The following WDR47 variants were observed in gnomAD, a reference collection of about 807,000 sequenced individuals.
WDR47 encodes the protein WD repeat-containing protein 47.
WDR47 carries 32 observed loss-of-function variants against 97.2 expected under a neutral mutation model. The observed-to-expected ratio is 0.33, with a 90% confidence interval of 0.25 to 0.44. WDR47 has a LOEUF of 0.44. Among genes scored for constraint, WDR47 ranks in the 20% least tolerant of loss-of-function variants. The pLI is 1.00. For synonymous variants in WDR47, 375 were observed against 373.5 expected (o/e 1.00, Z -0.05); for missense variants, 782 against 1,102.3 (o/e 0.71, Z 4.11).
chr1:109,039,319 A>C (rs371623607), intron 1 of WDR47, among the ~76,000 whole-genome samples: 1 of 151,686 alleles, frequency 6.6e-6, no homozygotes, highest in Non-Finnish European at 1.5e-5. Flanking sequence ...AGTGGCATGC[A>C]TGATCTTGGC....
At chr1:109,036,996 G>A (rs1284566561) in intron 1 of WDR47, among the ~76,000 whole-genome samples, 1 of 152,028 alleles carries the variant, frequency 6.6e-6, no homozygotes, top group Non-Finnish European at 1.5e-5. Flanking sequence ...TGCTGTTTTT[G>A]CACTTCCCGG....
intron 4 of WDR47, 87 bp from the exon 5 acceptor site, chr1:109,011,805 A>ATATTG: frequency 8.0e-6 from 10 of 1,245,528 alleles, no homozygotes; most frequent in Non-Finnish European, 1.1e-5. Flanking sequence ...AGAATAAATT[A>ATATTG]TATTGCCACA....
intron 7 of WDR47, among the ~76,000 whole-genome samples, chr1:108,997,553 G>A (rs1417747904): frequency 3.3e-5 from 5 of 151,736 alleles, no homozygotes; most frequent in East Asian, 1.9e-4. Flanking sequence ...TCAGGAGATC[G>A]AGACCATCCT....
chr1:109,034,978 G>A (rs538182885), intron 1 of WDR47, among the ~76,000 whole-genome samples: 68 of 152,064 alleles, frequency 4.5e-4, no homozygotes, highest in Admixed American at 1.8e-3. Flanking sequence ...GTCTGAGACC[G>A]GGCACAGTGG....
chr1:108,991,170 G>T, intron 9 of WDR47, 84 bp downstream of exon 9: 4 of 1,327,444 alleles, frequency 3.0e-6, no homozygotes, highest in South Asian at 1.2e-5. Flanking sequence ...TGACTAAAAT[G>T]GTTCTTTCTT....
chr1:108,975,686 A>C (rs1008661290), intron 13 of WDR47, among the ~76,000 whole-genome samples: 4 of 152,074 alleles, frequency 2.6e-5, no homozygotes, highest in Non-Finnish European at 5.9e-5. Context: ...AATTAAAAAA[A>C]AAAAAGTTTG....
At chr1:108,991,909 C>T (rs1314142459) in intron 8 of WDR47, among the ~76,000 whole-genome samples, 1 of 152,034 alleles carries the variant, frequency 6.6e-6, no homozygotes, top group Non-Finnish European at 1.5e-5. Context: ...GCAATCCTCC[C>T]ACCTCAACCT....
intron 5 of WDR47, among the ~76,000 whole-genome samples, chr1:109,010,458 T>C (rs1408262556): frequency 1.3e-5 from 2 of 151,962 alleles, no homozygotes; most frequent in South Asian, 2.1e-4. Context: ...CTCAGGGGGC[T>C]GATTTTAACC....
In WDR47 at chr1:109,026,240, G is replaced by A. The variant is rs574543675; in HGVS notation, c.-9-2719C>T. 6.2e-4 allele frequency among the ~76,000 whole-genome samples: 94 copies of A among 151,858 alleles called. No homozygotes were observed. The South Asian group carries it at 8.1e-3, about 13-fold the overall frequency. On this transcript the variant is annotated intron_variant, in intron 1 of 14. Transcript: ENST00000369962. ...TTTTTATTTTACTTTTTGTAGAGAC[G>A]GGATCTACCTATGTTGCCTAGGCTG...
intron 1 of WDR47, among the ~76,000 whole-genome samples, chr1:109,039,111 G>A (rs1663164170): frequency 6.6e-6 from 1 of 152,180 alleles, no homozygotes; most frequent in Admixed American, 6.6e-5. Flanking sequence ...TTAAACAGGA[G>A]AAGTTCAGGT....
intron 1 of WDR47, among the ~76,000 whole-genome samples, chr1:109,035,362 TAGG>T (rs1236299395): frequency 6.6e-6 from 1 of 151,972 alleles, no homozygotes; most frequent in African/African-American, 2.4e-5. Flanking sequence ...GGCAGGGATC[TAGG>T]AGAAGAAAAG....
intron 14 of WDR47, among the ~76,000 whole-genome samples, chr1:108,972,591 G>A (rs777660637): frequency 7.2e-5 from 11 of 152,034 alleles, no homozygotes; most frequent in Non-Finnish European, 1.2e-4. Context: ...GGAAATCTCC[G>A]TATCTCTCAA....
chr1:109,004,285 A>G (rs1660423017), intron 6 of WDR47, among the ~76,000 whole-genome samples: 2 of 152,038 alleles, frequency 1.3e-5, no homozygotes, highest in South Asian at 4.1e-4. Context: ...AAACAAACGT[A>G]AACTAGCCAT....
intron 1 of WDR47, among the ~76,000 whole-genome samples, chr1:109,027,359 A>C (rs1662282245): frequency 1.3e-5 from 2 of 151,378 alleles, no homozygotes; most frequent in Non-Finnish European, 2.9e-5. Context: ...CCTGGCCCAG[A>C]ATTTTAATTC....
chr1:109,006,401 A>G (rs563377349), intron 5 of WDR47, among the ~76,000 whole-genome samples: 3 of 152,310 alleles, frequency 2.0e-5, no homozygotes, highest in South Asian at 4.1e-4. Flanking sequence ...TTCAAAAACA[A>G]AAGACTGAGG....
chr1:109,004,040 G>A (rs1049400935), intron 6 of WDR47, among the ~76,000 whole-genome samples: 2 of 152,010 alleles, frequency 1.3e-5, no homozygotes, highest in African/African-American at 2.4e-5. Flanking sequence ...CGAGGTGGGC[G>A]GATCACGAGG....
chr1:109,033,342 G>C (rs981107675), intron 1 of WDR47, among the ~76,000 whole-genome samples: 12 of 152,014 alleles, frequency 7.9e-5, no homozygotes, highest in African/African-American at 2.9e-4. Flanking sequence ...ATTATCTGGA[G>C]CATATAAATA....
At chr1:109,027,460 C>T (rs1023334456) in intron 1 of WDR47, among the ~76,000 whole-genome samples, 2 of 152,094 alleles carry the variant, frequency 1.3e-5, no homozygotes, top group African/African-American at 4.8e-5. Context: ...CTTCTAACTC[C>T]CTTGTATTAC....
At chr1:109,020,821 G>A (rs35476940) in intron 2 of WDR47, among the ~76,000 whole-genome samples, 10,480 of 151,818 alleles carry the variant, frequency 0.069, 471 homozygotes, top group Middle Eastern at 0.13. Flanking sequence ...ATATAATAAA[G>A]CTTTGTTATT....
Sources: allele counts gnomAD v4.1 joint callset (sites outside exome capture counted in the v4.1 genomes callset), GRCh38; gene constraint gnomAD v4.1.1; transcripts MANE v1.5; gene names NCBI Gene and HGNC (gene_info 2026-07-23, HGNC 2026-07-21).